Variants in SSH2 observed in about 807,000 individuals in gnomAD.
SSH2 encodes the protein protein phosphatase Slingshot homolog 2.
Under a neutral mutation model 135.2 loss-of-function variants are expected in SSH2, and 37 were observed. The observed-to-expected ratio is 0.27, with a 90% CI of 0.21 to 0.36. The LOEUF is 0.36. SSH2 is among the 10% of genes least tolerant of loss of function. The probability of loss-of-function intolerance (pLI) is 1.00; values close to 1 mark genes in which losing one functional copy is unlikely to be tolerated. For missense variants in SSH2, 1,408 were observed against 1,765.3 expected (o/e 0.80, Z 3.63); for synonymous variants, 628 against 646.2 (o/e 0.97, Z 0.43).
intron 2 of SSH2, among the ~76,000 whole-genome samples, chr17:29,822,721 C>T (rs1328402467): frequency 1.3e-5 from 2 of 152,150 alleles, no homozygotes; most frequent in Admixed American, 6.6e-5. Flanking sequence ...ATTCCTATTT[C>T]CACAAAAGCA....
At chr17:29,686,093 C>T (rs1370067552) in intron 5 of SSH2, among the ~76,000 whole-genome samples, 1 of 151,940 alleles carries the variant, frequency 6.6e-6, no homozygotes, top group Non-Finnish European at 1.5e-5. Flanking sequence ...GGTGGTCTGC[C>T]CACCTCGGCC....
rs895491120 is a variant in SSH2 at position 29,630,324 on chromosome 17, A to G, written c.*517T>C. 6.6e-6 allele frequency: 1 copy of G among 152,322 alleles called. No individual in the cohort carries two copies. Among genetic ancestry groups the G allele is most frequent in the Non-Finnish European group, 1.5e-5 (1 of 68,148 alleles). The allele number at this position is 152,322 out of a possible 1,614,324, so 9.4% of individuals were successfully genotyped here. A position where few individuals can be genotyped will look rare whatever the true frequency, so the allele number is the denominator to read the frequency against. On this transcript the variant is annotated 3_prime_UTR_variant, in exon 16 of 16. Transcript: ENST00000540801. ...AAAGCGGAACCTGCCTCCTTCAGGA[A>G]CTCTAAAGGGCTGCGGCTGGATGAA...
In SSH2 at chr17:29,656,464, C is replaced by A. The variant is rs115479046; in HGVS notation, c.1033-857G>T. 3.6e-3 allele frequency among the ~76,000 whole-genome samples: 552 copies of A among 152,280 alleles called. 2 individuals carry two copies. The highest frequency in any genetic ancestry group is 0.012 in the African/African-American group (505 of 41,552). ...GTGCTGGGATTACAGGTGTGAGACA[C>A]CGCGCAGGGCCGCTCACACTCTTTT... On this transcript the variant is annotated intron_variant, in intron 11 of 15. Coordinates refer to ENST00000540801, the MANE Select transcript of SSH2 (RefSeq NM_001282129.2).
chr17:29,747,226 ATCAAATAAT>A lies in SSH2; in HGVS notation c.189-44173_189-44165del, dbSNP rs2040792848. Among the ~76,000 whole-genome samples, 5 of 152,354 alleles carry A rather than the reference ATCAAATAAT, an allele frequency of 3.3e-5. No homozygotes were observed. In the South Asian group the frequency reaches 1.0e-3, roughly 32 times the overall value. ...ATAGTTTAGTTCATTACCAAAAAAAATCAAATAATTCTACTTCTTCTACCCTGGAAACCT... is the reference window on the plus strand; with the variant it reads ...ATAGTTTAGTTCATTACCAAAAAAAATCTACTTCTTCTACCCTGGAAACCT... On this transcript the variant is annotated intron_variant, in intron 3 of 15. Coordinates refer to ENST00000540801, the MANE Select transcript of SSH2 (RefSeq NM_001282129.2).
At chr17:29,661,694 A>C (rs755121935) in intron 11 of SSH2, among the ~76,000 whole-genome samples, 10 of 152,226 alleles carry the variant, frequency 6.6e-5, no homozygotes, top group Admixed American at 1.3e-4. Flanking sequence ...TGACCACCTC[A>C]CTTCTTAATT....
rs186776630 is a variant in SSH2, at chr17:29,922,933, C to T, written c.63+7005G>A. Among the ~76,000 whole-genome samples, 1,043 of 152,256 alleles carry T rather than the reference C, an allele frequency of 6.9e-3. 7 individuals carry two copies. Among genetic ancestry groups the T allele is most frequent in the Non-Finnish European group, 0.011 (729 of 68,020 alleles). On this transcript the variant is annotated intron_variant, in intron 1 of 15. Coordinates refer to ENST00000540801, the MANE Select transcript of SSH2 (RefSeq NM_001282129.2). ...CTTTAAAAAAATTGGGTTTTTTTGA[C>T]GGAGTCATGCTCTGTTACCCAGGCT...
At chr17:29,786,232 G>C (rs1201566510) in intron 3 of SSH2, among the ~76,000 whole-genome samples, 2 of 152,186 alleles carry the variant, frequency 1.3e-5, no homozygotes, top group African/African-American at 2.4e-5. Context: ...TTTATCTTTT[G>C]ACCAAATAGT....
At chr17:29,803,209 A>G (rs1380548752) in intron 2 of SSH2, among the ~76,000 whole-genome samples, 1 of 152,180 alleles carries the variant, frequency 6.6e-6, no homozygotes, top group Non-Finnish European at 1.5e-5. Flanking sequence ...TTATGATTTT[A>G]TGGGTCAGAA....
intron 1 of SSH2, among the ~76,000 whole-genome samples, chr17:29,908,694 G>A (rs1385275121): frequency 2.0e-5 from 3 of 150,550 alleles, no homozygotes; most frequent in Admixed American, 2.0e-4. Flanking sequence ...AACCTGGGAG[G>A]CGGAGGTTGC....
At chr17:29,763,404 C>T (rs1434820129) in intron 3 of SSH2, among the ~76,000 whole-genome samples, 1 of 151,692 alleles carries the variant, frequency 6.6e-6, no homozygotes, top group Non-Finnish European at 1.5e-5. Context: ...TCTGCTGATA[C>T]ACCCCAAAAT....
At chr17:29,661,707 G>T (rs557484139) in intron 11 of SSH2, among the ~76,000 whole-genome samples, 2 of 152,300 alleles carry the variant, frequency 1.3e-5, no homozygotes, top group Non-Finnish European at 2.9e-5. Context: ...TCTTAATTTA[G>T]AAATCTAAAT....
At chr17:29,639,926 C>CA (rs1159588399) in intron 14 of SSH2, among the ~76,000 whole-genome samples, 5 of 152,174 alleles carry the variant, frequency 3.3e-5, no homozygotes, top group African/African-American at 1.2e-4. Context: ...TTCAAACCTG[C>CA]ACCAGCTTCT....
intron 2 of SSH2, among the ~76,000 whole-genome samples, chr17:29,797,974 G>A (rs1433892395): frequency 6.6e-6 from 1 of 151,558 alleles, no homozygotes; most frequent in African/African-American, 2.4e-5. Context: ...ATTTCTTTTG[G>A]GTCACAAGAC....
At chr17:29,712,294 T>A (rs1323005586) in intron 3 of SSH2, among the ~76,000 whole-genome samples, 3 of 152,228 alleles carry the variant, frequency 2.0e-5, no homozygotes, top group African/African-American at 7.2e-5. Flanking sequence ...ATGTAGCTTT[T>A]AAAAAACTTA....
chr17:29,874,879 A>G (rs1567624145), intron 1 of SSH2, among the ~76,000 whole-genome samples: 1 of 152,144 alleles, frequency 6.6e-6, no homozygotes, highest in Admixed American at 6.5e-5. Context: ...AATGCTGCAG[A>G]TTTTCAAAAG....
rs1182018877 is a variant in SSH2, at chr17:29,850,842, G to A, written c.64-1913C>T. 3.9e-5 allele frequency among the ~76,000 whole-genome samples: 6 copies of A among 152,196 alleles called. No homozygotes were observed. The East Asian group carries it at 9.7e-4, about 25-fold the overall frequency. On this transcript the variant is annotated intron_variant, in intron 1 of 15. Coordinates refer to ENST00000540801, the MANE Select transcript of SSH2 (RefSeq NM_001282129.2). The stretch of plus-strand genomic sequence containing the variant: ...CTACTAAAAATGCAAAAAATTAGCC[G>A]GGTGTGGTGGCGGGCGCCTGCAGTC...
chr17:29,676,908 C>T (rs1199319206), intron 7 of SSH2, 23 bp from the exon 8 acceptor site: 15 of 1,599,342 alleles, frequency 9.4e-6, no homozygotes, highest in Non-Finnish European at 1.2e-5. Flanking sequence ...GAGAACAAGA[C>T]AAAAATCCAC....
intron 11 of SSH2, among the ~76,000 whole-genome samples, chr17:29,663,367 CGTGTCAACT>C (rs2037133128): frequency 6.6e-6 from 1 of 152,186 alleles, no homozygotes; most frequent in African/African-American, 2.4e-5. Flanking sequence ...CCTCTTTTTC[CGTGTCAACT>C]GCTAGGAAAG....
chr17:29,642,573 C>CG (rs892469984), intron 14 of SSH2, among the ~76,000 whole-genome samples: 14 of 152,000 alleles, frequency 9.2e-5, no homozygotes, highest in African/African-American at 3.4e-4. Context: ...ACACCACCCC[C>CG]CCCACCGCCT....
Sources: allele counts gnomAD v4.1 joint callset (sites outside exome capture counted in the v4.1 genomes callset), GRCh38; gene constraint gnomAD v4.1.1; transcripts MANE v1.5; gene names NCBI Gene and HGNC (gene_info 2026-07-23, HGNC 2026-07-21).